Variants in ADARB2 observed in about 807,000 individuals in gnomAD.
ADARB2 encodes the protein adenosine deaminase RNA specific B2 (inactive).
A neutral mutation model predicts 62.2 loss-of-function variants in ADARB2; 25 were observed. The ratio of observed to expected loss-of-function variants is 0.40; its 90% CI spans 0.29 to 0.56. The LOEUF (loss-of-function observed/expected upper bound fraction) is 0.56, where lower values mean the gene tolerates loss of function less well. ADARB2 is among the 20% of genes least tolerant of loss of function. ADARB2 has a pLI of 0.43. For synonymous variants in ADARB2, 572 were observed against 500.8 expected (o/e 1.14, Z -1.90); for missense variants, 1,071 against 1,077.4 (o/e 0.99, Z 0.08).
chr10:1,389,861 C>T (rs1004238260), intron 1 of ADARB2, among the ~76,000 whole-genome samples: 1 of 152,128 alleles, frequency 6.6e-6, no homozygotes, highest in African/African-American at 2.4e-5. Flanking sequence ...AGCTCATCCC[C>T]TGGTATAGTA....
At chr10:1,577,333 G>A (rs1564336060) in intron 1 of ADARB2, among the ~76,000 whole-genome samples, 6 of 150,484 alleles carry the variant, frequency 4.0e-5, no homozygotes, top group Middle Eastern at 3.4e-3. Context: ...CCATCCAGAA[G>A]CTGCAGTGAT....
chr10:1,418,838 T>C (rs1417689720), intron 1 of ADARB2, among the ~76,000 whole-genome samples: 3 of 151,902 alleles, frequency 2.0e-5, no homozygotes, highest in Non-Finnish European at 4.4e-5. Context: ...AAAAAAAATC[T>C]ATGTCTTGAT....
chr10:1,725,697 A>G (rs1349622716), intron 1 of ADARB2, among the ~76,000 whole-genome samples: 1 of 152,248 alleles, frequency 6.6e-6, no homozygotes, highest in East Asian at 1.9e-4. Context: ...CCGCACTCGT[A>G]TCCGAAGTTT....
intron 1 of ADARB2, among the ~76,000 whole-genome samples, chr10:1,524,104 TAGAG>T (rs775913795): frequency 1.4e-5 from 2 of 141,630 alleles, no homozygotes; most frequent in Non-Finnish European, 3.1e-5. Flanking sequence ...ATAGATAGAT[TAGAG>T]AGAGAGAGAA....
At position 1,474,625 on chromosome 10, in the gene ADARB2, C is replaced by T. The variant is rs990157960; in HGVS notation, c.101-95465G>A. ...GTCCCAAGCACCTGGGAGAGGCTCT[C>T]AGCCTCCATTTGCTGAGTGAGACTG... On this transcript the variant is annotated intron_variant, in intron 1 of 9. Coordinates refer to ENST00000381312, the MANE Select transcript of ADARB2 (RefSeq NM_018702.4). 7.9e-5 allele frequency among the ~76,000 whole-genome samples: 12 copies of T among 152,200 alleles called. 1 individual carries two copies. Among genetic ancestry groups the T allele is most frequent in the Admixed American group, 2.6e-4 (4 of 15,282 alleles).
chr10:1,527,435 T>C (rs1211070813), intron 1 of ADARB2, among the ~76,000 whole-genome samples: 1 of 151,538 alleles, frequency 6.6e-6, no homozygotes, highest in Non-Finnish European at 1.5e-5. Flanking sequence ...CCTGATGATA[T>C]TTAAAAACTT....
rs191417230 is a variant in ADARB2 at position 1,186,627 on chromosome 10, G to A, written c.1865-1588C>T. Reference sequence around the variant, plus strand: ...CTGCTGTCCTGTGGTGCTTGGAGGCGAGCGGGGCCCCTGAGTTCTCGGGGG... The same window carrying A: ...CTGCTGTCCTGTGGTGCTTGGAGGCAAGCGGGGCCCCTGAGTTCTCGGGGG... On this transcript the variant is annotated intron_variant, in intron 8 of 9. Coordinates refer to ENST00000381312, the MANE Select transcript of ADARB2 (RefSeq NM_018702.4). 349 of 505,968 alleles carry A rather than the reference G, an allele frequency of 6.9e-4. 1 individual carries two copies. The highest frequency in any genetic ancestry group is 5.4e-3 in the African/African-American group (280 of 51,814). The allele number at this position is 505,968 out of a possible 1,614,324, so 31.3% of individuals were successfully genotyped here.
intron 3 of ADARB2, chr10:1,361,294 G>A (rs1186886820): frequency 1.3e-5 from 2 of 152,110 alleles, no homozygotes; most frequent in Admixed American, 1.3e-4. Context: ...AAAAGGAAGA[G>A]AGAAGGGAGT....
At chr10:1,425,939 T>C (rs1207155702) in intron 1 of ADARB2, among the ~76,000 whole-genome samples, 1 of 152,154 alleles carries the variant, frequency 6.6e-6, no homozygotes, top group African/African-American at 2.4e-5. Flanking sequence ...GGACAGAGAA[T>C]GACCCGACGT....
Position 1,233,786 on chromosome 10 carries a change from C to T in ADARB2, c.1421G>A (p.Arg474Gln), listed in dbSNP as rs185909498. 38 of 1,613,956 alleles carry T rather than the reference C, an allele frequency of 2.4e-5. 1 individual carries two copies. Among genetic ancestry groups the T allele is most frequent in the East Asian group, 1.8e-4 (8 of 44,854 alleles). Residue 474 changes from arginine to glutamine, a missense_variant, in exon 6 of 10, where the codon CGG becomes CAG. Coordinates refer to ENST00000381312, the MANE Select transcript of ADARB2 (RefSeq NM_018702.4). ...ATGGAAGAGGATGTTCTCTCGCAGCCGGTAGCCACCTTCTTTTAACCGCAC... is the reference window on the plus strand; with the variant it reads ...ATGGAAGAGGATGTTCTCTCGCAGCTGGTAGCCACCTTCTTTTAACCGCAC... The part of the protein sequence containing the change: ...IFVRLKEGGY[R>Q]LRENILFHLY...
intron 1 of ADARB2, among the ~76,000 whole-genome samples, chr10:1,470,146 C>G (rs778224522): frequency 6.6e-6 from 1 of 152,258 alleles, no homozygotes; most frequent in South Asian, 2.1e-4. Flanking sequence ...TCCCGTCTCA[C>G]ACCTTCCTAG....
chr10:1,456,204 T>C (rs1831093757), intron 1 of ADARB2, among the ~76,000 whole-genome samples: 1 of 152,210 alleles, frequency 6.6e-6, no homozygotes, highest in African/African-American at 2.4e-5. Context: ...AGACGTTATC[T>C]ACTAGTAAGA....
intron 7 of ADARB2, among the ~76,000 whole-genome samples, chr10:1,213,716 C>A (rs1837192106): frequency 6.6e-6 from 1 of 152,232 alleles, no homozygotes; most frequent in Admixed American, 6.5e-5. Flanking sequence ...AGAATCACCC[C>A]CAAATCCCGG....
intron 1 of ADARB2, among the ~76,000 whole-genome samples, chr10:1,666,490 G>A (rs1415211135): frequency 6.6e-6 from 1 of 152,224 alleles, no homozygotes; most frequent in Non-Finnish European, 1.5e-5. Flanking sequence ...CCGCAGGAAA[G>A]CTGCCCGAGG....
chr10:1,565,787 G>A (rs1052947652), intron 1 of ADARB2, among the ~76,000 whole-genome samples: 3 of 152,066 alleles, frequency 2.0e-5, no homozygotes, highest in Admixed American at 1.3e-4. Flanking sequence ...TATTTTATCC[G>A]AAGAAGATTC....
chr10:1,564,784 C>CTTTT (rs59446234), intron 1 of ADARB2, among the ~76,000 whole-genome samples: 33,997 of 147,046 alleles, frequency 0.23, 4,278 homozygotes, highest in Non-Finnish European at 0.28. Context: ...CTTTTATTAC[C>CTTTT]TTTTTTTTTT....
At chr10:1,332,921 T>C (rs919589817) in intron 3 of ADARB2, among the ~76,000 whole-genome samples, 3 of 152,228 alleles carry the variant, frequency 2.0e-5, no homozygotes, top group African/African-American at 4.8e-5. Flanking sequence ...TTGTCCATTT[T>C]TCCCCATCCC....
chr10:1,365,735 C>T (rs1383004192), intron 2 of ADARB2, among the ~76,000 whole-genome samples: 1 of 152,348 alleles, frequency 6.6e-6, no homozygotes, highest in Middle Eastern at 3.4e-3. Flanking sequence ...GAAACACACA[C>T]CTTACTCAGC....
At chr10:1,434,714 C>G (rs1293499347) in intron 1 of ADARB2, among the ~76,000 whole-genome samples, 1 of 152,190 alleles carries the variant, frequency 6.6e-6, no homozygotes, top group Non-Finnish European at 1.5e-5. Context: ...ATGACGTAAA[C>G]TCACTGAGGC....
Sources: gnomAD v4.1 joint callset for allele counts (sites outside exome capture counted in the v4.1 genomes callset) on GRCh38, gnomAD v4.1.1 for gene constraint, MANE v1.5 for transcripts, NCBI Gene and HGNC (gene_info 2026-07-23, HGNC 2026-07-21) for gene names.